RNF115: variants seen among roughly 807,000 people sequenced by gnomAD.
RNF115 encodes the protein E3 ubiquitin-protein ligase RNF115.
Under a neutral mutation model 39.2 loss-of-function variants are expected in RNF115, and 31 were observed. The observed-to-expected ratio is 0.79, with a 90% CI of 0.59 to 1.07. RNF115 has a LOEUF of 1.07. RNF115 is among the 50% of genes least tolerant of loss of function. The probability of loss-of-function intolerance (pLI) is 0.00; values close to 1 mark genes in which losing one functional copy is unlikely to be tolerated. For missense variants in RNF115, 384 were observed against 381.7 expected, an observed-to-expected ratio of 1.01 and a Z score of -0.05; for synonymous variants, 124 against 131.0, an observed-to-expected ratio of 0.95 and a Z score of 0.37.
At chr1:145,819,578 C>T (rs1172365258) in intron 1 of RNF115, among the ~76,000 whole-genome samples, 9 of 152,120 alleles carry the variant, frequency 5.9e-5, no homozygotes, top group Admixed American at 6.6e-5. Flanking sequence ...TCCAAAAAAT[C>T]GAGGAGGGAC....
In RNF115 at chr1:145,771,909, T is replaced by C; in HGVS notation, c.230A>G (p.His77Arg). 1 of 1,613,804 alleles carries C rather than the reference T, an allele frequency of 6.2e-7. No homozygotes were observed. Among genetic ancestry groups the C allele is most frequent in the Non-Finnish European group, 8.5e-7 (1 of 1,179,884 alleles). The stretch of plus-strand genomic sequence containing the variant: ...TTGAAAAAACATCGTGTGATCCAAA[T>C]GGCCCCAAAGCTAGTAAAGACCAGA... Reference protein sequence around the residue: ...TTTHFAELWGHLDHTMFFQDF... With the variant: ...TTTHFAELWGRLDHTMFFQDF... Residue 77 changes from histidine (H) to arginine (R), a missense_variant, in exon 4 of 9, where the codon CAT becomes CGT. Coordinates refer to ENST00000582693, the MANE Select transcript of RNF115 (RefSeq NM_014455.4).
In RNF115 at chr1:145,746,639, T is replaced by C. The variant is rs1481737403; in HGVS notation, c.*227A>G. ...CCTACATAATTAAGTTTCACACTTA[T>C]AAAATTATCACTCTGAATTCAGGGA... On this transcript the variant is annotated 3_prime_UTR_variant, in exon 9 of 9. Transcript: ENST00000582693. 2 of 493,746 alleles carry C rather than the reference T, an allele frequency of 4.1e-6. No individual in the cohort carries two copies. Among genetic ancestry groups the C allele is most frequent in the Non-Finnish European group, 7.1e-6 (2 of 279,764 alleles). The allele number at this position is 493,746 out of a possible 1,614,324, so 30.6% of individuals were successfully genotyped here. A position where few individuals can be genotyped will look rare whatever the true frequency, so the allele number is the denominator to read the frequency against.
At chr1:145,819,151 A>C (rs1650118416) in intron 1 of RNF115, among the ~76,000 whole-genome samples, 1 of 150,414 alleles carries the variant, frequency 6.6e-6, no homozygotes, top group Admixed American at 6.6e-5. Flanking sequence ...GTAATAAAAA[A>C]CCTGGCCAGG....
At chr1:145,763,705 A>C (rs1553714182) in intron 4 of RNF115, among the ~76,000 whole-genome samples, 2 of 152,192 alleles carry the variant, frequency 1.3e-5, no homozygotes, top group African/African-American at 4.8e-5. Flanking sequence ...TCTCAAAAAA[A>C]CAAAACAAAA....
chr1:145,750,529 A>G (rs1658039892), intron 6 of RNF115, 29 bp from the exon 7 acceptor site: 4 of 1,560,574 alleles, frequency 2.6e-6, no homozygotes, highest in Non-Finnish European at 3.5e-6. Context: ...AAAAAGACGA[A>G]GTGGCAGACA....
chr1:145,811,870 A>AGATTCTG (rs1325427749), intron 1 of RNF115, among the ~76,000 whole-genome samples: 1 of 50,392 alleles, frequency 2.0e-5, no homozygotes, highest in East Asian at 5.3e-4. Flanking sequence ...TGGTTGACAG[A>AGATTCTG]GATTCTGTCT....
intron 1 of RNF115, among the ~76,000 whole-genome samples, chr1:145,801,059 T>C (rs1553720824): frequency 6.6e-6 from 1 of 152,022 alleles, no homozygotes; most frequent in African/African-American, 2.4e-5. Flanking sequence ...TAGTCCCAGC[T>C]ACTCAAGAGG....
intron 1 of RNF115, among the ~76,000 whole-genome samples, chr1:145,800,045 T>C (rs1649159053): frequency 2.0e-5 from 3 of 152,250 alleles, no homozygotes; most frequent in South Asian, 4.1e-4. Flanking sequence ...ATTCTGTTAA[T>C]GTGGTATTCT....
intron 1 of RNF115, among the ~76,000 whole-genome samples, chr1:145,809,090 T>G (rs988575867): frequency 1.3e-5 from 2 of 152,164 alleles, no homozygotes; most frequent in African/African-American, 4.8e-5. Flanking sequence ...TCCACTCTAC[T>G]GGCCACTAAC....
intron 4 of RNF115, among the ~76,000 whole-genome samples, chr1:145,762,045 A>T (rs9725265): frequency 0.84 from 127,364 of 152,248 alleles, 53,524 homozygotes; most frequent in African/African-American, 0.9. Context: ...AACCCCTTTG[A>T]TCTGGCCAAT....
chr1:145,772,718 T>C (rs1451306067), intron 3 of RNF115: 1 of 152,188 alleles, frequency 6.6e-6, no homozygotes, highest in Non-Finnish European at 1.5e-5. Flanking sequence ...TGTCTTTGAG[T>C]TTATCCTTCT....
rs1657812344 is a variant in RNF115 at position 145,744,849 on chromosome 1, G to A, written c.*2017C>T. The A allele has an allele frequency of 6.6e-6, 1 of 151,914 alleles. No individual in the cohort carries two copies. Among genetic ancestry groups the A allele is most frequent in the African/African-American group, 2.4e-5 (1 of 41,312 alleles). The allele number at this position is 151,914 out of a possible 1,614,324, so 9.4% of individuals were successfully genotyped here. Reference sequence around the variant, plus strand: ...ACCTTGAAGTTTCAACAACATTCTTGACCTTCTTAATTTATCCAATGTTAA... The same window carrying A: ...ACCTTGAAGTTTCAACAACATTCTTAACCTTCTTAATTTATCCAATGTTAA... On this transcript the variant is annotated 3_prime_UTR_variant, in exon 9 of 9. Coordinates refer to ENST00000582693, the MANE Select transcript of RNF115 (RefSeq NM_014455.4).
At chr1:145,781,021 T>C (rs1648118538) in intron 3 of RNF115, among the ~76,000 whole-genome samples, 1 of 152,180 alleles carries the variant, frequency 6.6e-6, no homozygotes, top group Non-Finnish European at 1.5e-5. Flanking sequence ...CTCTACAAAC[T>C]GCTAGCAATA....
chr1:145,816,014 C>A (rs1649974917), intron 1 of RNF115, among the ~76,000 whole-genome samples: 1 of 134,076 alleles, frequency 7.5e-6, no homozygotes, highest in African/African-American at 2.8e-5. Context: ...TTCATGATTT[C>A]TCCTTATTTC....
intron 4 of RNF115, among the ~76,000 whole-genome samples, chr1:145,767,307 C>T (rs1428773434): frequency 2.7e-5 from 4 of 147,622 alleles, no homozygotes; most frequent in South Asian, 4.3e-4. Context: ...AGGGCAGTTG[C>T]CAGGCAGAGG....
chr1:145,771,596 T>C (rs1647642352), intron 4 of RNF115, 115 bp downstream of exon 4: 1 of 776,236 alleles, frequency 1.3e-6, no homozygotes, highest in Non-Finnish European at 2.1e-6. Flanking sequence ...CCTTTCTACA[T>C]ATGTCCATCT....
intron 7 of RNF115, among the ~76,000 whole-genome samples, chr1:145,748,619 T>C (rs1182762609): frequency 6.6e-6 from 1 of 152,134 alleles, no homozygotes; most frequent in Non-Finnish European, 1.5e-5. Flanking sequence ...GTGGCTGTCC[T>C]AAAGTCCTCT....
At chr1:145,784,067 A>G (rs1648267534) in intron 3 of RNF115, among the ~76,000 whole-genome samples, 6 of 152,160 alleles carry the variant, frequency 3.9e-5, no homozygotes, top group Admixed American at 3.9e-4. Context: ...TCCTTAATCT[A>G]CACCAAACTA....
At chr1:145,757,649 T>C (rs1208180318) in intron 4 of RNF115, among the ~76,000 whole-genome samples, 1 of 152,228 alleles carries the variant, frequency 6.6e-6, no homozygotes, top group Admixed American at 6.5e-5. Context: ...TGGGCAGAAG[T>C]AGAAGTCCTA....
Sources: gnomAD v4.1 joint callset for allele counts (sites outside exome capture counted in the v4.1 genomes callset) on GRCh38, gnomAD v4.1.1 for gene constraint, MANE v1.5 for transcripts, NCBI Gene and HGNC (gene_info 2026-07-23, HGNC 2026-07-21) for gene names.